B3GALT1: variants seen among roughly 807,000 people sequenced by gnomAD.
B3GALT1 encodes the protein beta-1,3-galactosyltransferase 1.
In B3GALT1, 10 loss-of-function variants were observed where a neutral mutation model predicts 23.2. The observed-to-expected ratio is 0.43, with a 90% CI of 0.27 to 0.73. The LOEUF is 0.73. B3GALT1 is among the 30% of genes least tolerant of loss of function. B3GALT1 has a pLI of 0.21. For synonymous variants in B3GALT1, 156 were observed against 141.5 expected (o/e 1.10, Z -0.73); for missense variants, 299 against 405.4 (o/e 0.74, Z 2.25).
chr2:167,614,273 A>G (rs1366206763), intron 2 of B3GALT1, among the ~76,000 whole-genome samples: 1 of 151,622 alleles, frequency 6.6e-6, no homozygotes, highest in Non-Finnish European at 1.5e-5. Context: ...ATCAATAGCA[A>G]AGAAAATGAA....
At chr2:167,301,589 C>T (rs1696446229) in intron 1 of B3GALT1, among the ~76,000 whole-genome samples, 2 of 152,164 alleles carry the variant, frequency 1.3e-5, no homozygotes, top group South Asian at 4.1e-4. Context: ...CTTGTTCTGT[C>T]ATCCAGGCTG....
At chr2:167,388,787 C>T (rs1454609287) in intron 1 of B3GALT1, among the ~76,000 whole-genome samples, 1 of 152,268 alleles carries the variant, frequency 6.6e-6, no homozygotes, top group East Asian at 1.9e-4. Flanking sequence ...GCAGGTGATT[C>T]AGTGTGTAGC....
chr2:167,410,988 A>G (rs1698381757), intron 1 of B3GALT1, among the ~76,000 whole-genome samples: 1 of 152,104 alleles, frequency 6.6e-6, no homozygotes, highest in African/African-American at 2.4e-5. Flanking sequence ...AAAAAGGAGC[A>G]TATATCAAAT....
intron 3 of B3GALT1, among the ~76,000 whole-genome samples, chr2:167,769,425 T>C (rs981141446): frequency 1.9e-4 from 29 of 152,222 alleles, no homozygotes; most frequent in African/African-American, 7.0e-4. Context: ...TTGAAGTATA[T>C]GTACAGTAAA....
At position 167,665,511 on chromosome 2, in the gene B3GALT1, T is replaced by C. The variant is rs539070967; in HGVS notation, c.-352+18545T>C. On this transcript the variant is annotated intron_variant, in intron 3 of 4. Coordinates refer to ENST00000392690, the MANE Select transcript of B3GALT1 (RefSeq NM_020981.4). ...TTAGGGAGGATTCCCTCTTTTTCTATTGATTGGAATAGTTTCAGAAGGAAT... is the reference window on the plus strand; with the variant it reads ...TTAGGGAGGATTCCCTCTTTTTCTACTGATTGGAATAGTTTCAGAAGGAAT... Among the ~76,000 whole-genome samples the C allele has an allele frequency of 3.2e-3, 484 of 151,416 alleles. 8 individuals carry two copies. The highest frequency in any genetic ancestry group is 0.016 in the East Asian group (83 of 5,166).
chr2:167,838,466 G>C (rs1689545103), intron 4 of B3GALT1, among the ~76,000 whole-genome samples: 2 of 152,408 alleles, frequency 1.3e-5, no homozygotes, highest in African/African-American at 2.4e-5. Flanking sequence ...ACTCTCCCAA[G>C]ACTAAACCAG....
chr2:167,715,861 G>A lies in B3GALT1; in HGVS notation c.-352+68895G>A, dbSNP rs1687134190. ...TTTTTCTCTCTTCCCACATAAAGCC[G>A]ACTCCTAACCGATCTAAAACTTCTC... On this transcript the variant is annotated intron_variant, in intron 3 of 4. Coordinates refer to ENST00000392690, the MANE Select transcript of B3GALT1 (RefSeq NM_020981.4). 9 of 1,613,728 alleles carry A rather than the reference G, an allele frequency of 5.6e-6. No individual in the cohort carries two copies. In the East Asian group the frequency reaches 1.1e-4, roughly 20 times the overall value.
rs1699894452 is a variant in B3GALT1, at chr2:167,504,638, T to G, written c.-410+14361T>G. On this transcript the variant is annotated intron_variant, in intron 2 of 4. Coordinates refer to ENST00000392690, the MANE Select transcript of B3GALT1 (RefSeq NM_020981.4). ...GATGCATCTGTGCAACATAACACAG[T>G]CATACACTGCATGACAGTTTGGTCT... 2.0e-5 allele frequency among the ~76,000 whole-genome samples: 3 copies of G among 148,090 alleles called. No homozygotes were observed. The South Asian group carries it at 6.7e-4, about 33-fold the overall frequency.
intron 4 of B3GALT1, among the ~76,000 whole-genome samples, chr2:167,850,324 C>G (rs1026255868): frequency 4.6e-5 from 7 of 152,164 alleles, no homozygotes; most frequent in Non-Finnish European, 8.8e-5. Context: ...CAGGGAAATG[C>G]AAATCAGAAC....
intron 2 of B3GALT1, among the ~76,000 whole-genome samples, chr2:167,641,891 CT>C (rs1348920780): frequency 1.1e-4 from 17 of 152,170 alleles, no homozygotes; most frequent in African/African-American, 3.6e-4. Flanking sequence ...TTGACTTTTC[CT>C]AAGTTTTAGG....
intron 1 of B3GALT1, among the ~76,000 whole-genome samples, chr2:167,356,124 C>T (rs1200653465): frequency 6.6e-6 from 1 of 152,172 alleles, no homozygotes; most frequent in Non-Finnish European, 1.5e-5. Flanking sequence ...AGTTACTACC[C>T]TAACTTCTCT....
intron 2 of B3GALT1, among the ~76,000 whole-genome samples, chr2:167,596,269 TA>T (rs1224879601): frequency 1.3e-5 from 2 of 152,178 alleles, no homozygotes; most frequent in African/African-American, 4.8e-5. Context: ...AGGAAGTACC[TA>T]AAGTGTGGTG....
At chr2:167,552,147 T>G (rs987113092) in intron 2 of B3GALT1, among the ~76,000 whole-genome samples, 3 of 152,184 alleles carry the variant, frequency 2.0e-5, no homozygotes, top group Non-Finnish European at 4.4e-5. Context: ...GGGTCTAACT[T>G]TCCCCCTAAC....
intron 3 of B3GALT1, among the ~76,000 whole-genome samples, chr2:167,756,277 A>G (rs1687815873): frequency 6.6e-6 from 1 of 152,148 alleles, no homozygotes; most frequent in Non-Finnish European, 1.5e-5. Context: ...GGTAGCCAAT[A>G]TGAAGGCAAT....
intron 3 of B3GALT1, among the ~76,000 whole-genome samples, chr2:167,801,418 C>T (rs537687625): frequency 6.6e-6 from 1 of 152,238 alleles, no homozygotes; most frequent in Admixed American, 6.5e-5. Flanking sequence ...AAATGAGAAA[C>T]TTGAGTCTTA....
At chr2:167,826,623 T>G (rs1240209129) in intron 4 of B3GALT1, among the ~76,000 whole-genome samples, 1 of 151,994 alleles carries the variant, frequency 6.6e-6, no homozygotes, top group Non-Finnish European at 1.5e-5. Context: ...GGAATGAAAG[T>G]CAAAGATGGG....
chr2:167,300,098 T>TAGATACATAG (rs1314233898), intron 1 of B3GALT1, among the ~76,000 whole-genome samples: 3 of 152,078 alleles, frequency 2.0e-5, no homozygotes, highest in African/African-American at 7.2e-5. Context: ...AGATACGGGG[T>TAGATACATAG]TTCACCATGT....
intron 3 of B3GALT1, among the ~76,000 whole-genome samples, chr2:167,680,000 G>GT (rs1323787215): frequency 6.6e-6 from 1 of 152,034 alleles, no homozygotes; most frequent in Non-Finnish European, 1.5e-5. Flanking sequence ...ATAAACATGG[G>GT]TTTTTTCTAC....
chr2:167,732,894 C>T (rs1193751667), intron 3 of B3GALT1, among the ~76,000 whole-genome samples: 7 of 152,184 alleles, frequency 4.6e-5, no homozygotes, highest in African/African-American at 1.7e-4. Context: ...TGAGTGTTTA[C>T]AGTATGTCAG....
Sources: gnomAD v4.1 joint callset for allele counts (sites outside exome capture counted in the v4.1 genomes callset) on GRCh38, gnomAD v4.1.1 for gene constraint, MANE v1.5 for transcripts, NCBI Gene and HGNC (gene_info 2026-07-23, HGNC 2026-07-21) for gene names.